Variants in DAB1 observed in about 807,000 individuals in gnomAD.
DAB1 encodes DAB adaptor protein 1.
Under a neutral mutation model 64.6 loss-of-function variants are expected in DAB1, and 15 were observed. That is an observed-to-expected ratio of 0.23 (90% CI 0.16 to 0.36). DAB1 has a LOEUF of 0.36. Ranked by LOEUF, DAB1 falls within the 10% of genes least tolerant of loss-of-function variation. DAB1 has a pLI of 1.00. For missense variants in DAB1, 596 were observed against 706.7 expected, an observed-to-expected ratio of 0.84 and a Z score of 1.78; for synonymous variants, 235 against 251.9, an observed-to-expected ratio of 0.93 and a Z score of 0.64.
upstream of DAB1, among the ~76,000 whole-genome samples, chr1:57,889,039 A>T (rs1051512181): frequency 2.6e-5 from 4 of 152,184 alleles, no homozygotes; most frequent in Admixed American, 1.3e-4. Context: ...AACGTCTGTC[A>T]TGGAATCCTG....
chr1:57,659,079 C>G (rs1257534222), intron 6 of DAB1, among the ~76,000 whole-genome samples: 1 of 152,056 alleles, frequency 6.6e-6, no homozygotes, highest in African/African-American at 2.4e-5. Flanking sequence ...ATTCTTTTGC[C>G]CCATGACCTG....
At chr1:58,333,445 G>C (rs1264884982) in intron 4 of DAB1, among the ~76,000 whole-genome samples, 1 of 152,248 alleles carries the variant, frequency 6.6e-6, no homozygotes, top group African/African-American at 2.4e-5. Context: ...AATCTTGATA[G>C]AGGATGTTAA....
intron 5 of DAB1, among the ~76,000 whole-genome samples, chr1:57,926,036 T>C (rs1193942149): frequency 6.6e-6 from 1 of 152,192 alleles, no homozygotes; most frequent in South Asian, 2.1e-4. Flanking sequence ...AAAAATACAT[T>C]ACACGATGTG....
At position 57,726,950 on chromosome 1, in the gene DAB1, A is replaced by G. The variant is rs77482594; in HGVS notation, n.552-77285T>C. 9.9e-3 allele frequency among the ~76,000 whole-genome samples: 1,511 copies of G among 152,280 alleles called. 26 individuals are homozygous for G. Among genetic ancestry groups the G allele is most frequent in the African/African-American group, 0.034 (1,406 of 41,554 alleles). On this transcript the variant is annotated intron_variant and non_coding_transcript_variant, in intron 6 of 20. Coordinates refer to the DAB1 transcript ENST00000485760. ...CGCATAAGCTAAAAATGGATAGTGG[A>G]TCTTATCCAAAGGAGTGCTCTGTAG...
intron 1 of DAB1, among the ~76,000 whole-genome samples, chr1:57,335,985 C>T (rs1677047468): frequency 6.6e-6 from 1 of 152,120 alleles, no homozygotes; most frequent in African/African-American, 2.4e-5. Flanking sequence ...AGTAGAAAAA[C>T]CAAAAAAGCA....
chr1:58,072,828 T>C (rs900296119), intron 5 of DAB1, among the ~76,000 whole-genome samples: 1 of 152,220 alleles, frequency 6.6e-6, no homozygotes, highest in African/African-American at 2.4e-5. Context: ...CAAGGCTGTA[T>C]TATATGCAAC....
At chr1:57,725,013 T>C (rs1488079951) in intron 6 of DAB1, among the ~76,000 whole-genome samples, 2 of 152,160 alleles carry the variant, frequency 1.3e-5, no homozygotes, top group African/African-American at 4.8e-5. Context: ...TAGAAAGTGC[T>C]AGGTGCAGTC....
chr1:57,982,497 T>C (rs558367518), intron 5 of DAB1, among the ~76,000 whole-genome samples: 1 of 152,178 alleles, frequency 6.6e-6, no homozygotes, highest in Non-Finnish European at 1.5e-5. Context: ...TAAACTGCAA[T>C]GCCAAGCTGG....
At chr1:57,305,553 G>A (rs1674065255) in intron 1 of DAB1, among the ~76,000 whole-genome samples, 1 of 152,106 alleles carries the variant, frequency 6.6e-6, no homozygotes, top group African/African-American at 2.4e-5. Context: ...AAAGGCCCAG[G>A]TGAAGCCCTC....
chr1:57,255,747 C>A (rs1669714058), intron 2 of DAB1, among the ~76,000 whole-genome samples: 1 of 152,114 alleles, frequency 6.6e-6, no homozygotes, highest in Admixed American at 6.5e-5. Context: ...GAATATTATC[C>A]CAGCATACTC....
rs115914270 is a variant in DAB1, at chr1:57,260,782, C to T, written c.67+30182G>A. On this transcript the variant is annotated intron_variant, in intron 2 of 14. Coordinates refer to ENST00000371236, the MANE Select transcript of DAB1 (RefSeq NM_001365792.1). ...AGTGATTTCTCCATATACCTTCCCC[C>T]ATCACTGCATGCAAGCAGGGCCTGG... Among the ~76,000 whole-genome samples the T allele has an allele frequency of 2.9e-3, 442 of 152,282 alleles. 1 individual carries two copies. The highest frequency in any genetic ancestry group is 9.8e-3 in the African/African-American group (409 of 41,566).
intron 4 of DAB1, among the ~76,000 whole-genome samples, chr1:57,082,243 T>C (rs1336351520): frequency 6.6e-6 from 1 of 152,208 alleles, no homozygotes; most frequent in African/African-American, 2.4e-5. Flanking sequence ...TGTTCCTTTC[T>C]CTACCTCCAC....
chr1:57,940,519 T>A (rs1292018743), intron 5 of DAB1, among the ~76,000 whole-genome samples: 3 of 152,156 alleles, frequency 2.0e-5, no homozygotes, highest in Non-Finnish European at 4.4e-5. Flanking sequence ...ACCTTTTAAG[T>A]CTTCTAGCCC....
At chr1:58,473,167 A>G (rs1557431205) in intron 3 of DAB1, among the ~76,000 whole-genome samples, 1 of 152,178 alleles carries the variant, frequency 6.6e-6, no homozygotes, top group Non-Finnish European at 1.5e-5. Flanking sequence ...GAGACCCAAG[A>G]GCTTGCAAGG....
At chr1:57,622,634 C>A (rs1052245977) in intron 7 of DAB1, among the ~76,000 whole-genome samples, 3 of 152,120 alleles carry the variant, frequency 2.0e-5, no homozygotes, top group South Asian at 2.1e-4. Context: ...AGTAACTTGA[C>A]CAAGATCACA....
intron 2 of DAB1, among the ~76,000 whole-genome samples, chr1:57,269,696 C>T (rs919109266): frequency 2.6e-5 from 4 of 152,162 alleles, no homozygotes; most frequent in Admixed American, 6.5e-5. Context: ...TTACTTCACC[C>T]CAACTTGCTT....
intron 7 of DAB1, among the ~76,000 whole-genome samples, chr1:57,535,129 C>G (rs1644710503): frequency 1.3e-5 from 2 of 152,126 alleles, no homozygotes; most frequent in Admixed American, 6.5e-5. Flanking sequence ...CTCATAATTT[C>G]TGCCACTGCA....
At chr1:57,706,485 T>A (rs1646968169) in intron 6 of DAB1, among the ~76,000 whole-genome samples, 1 of 151,974 alleles carries the variant, frequency 6.6e-6, no homozygotes, top group Non-Finnish European at 1.5e-5. Context: ...ACTCAGCTAA[T>A]TTTTGTATTT....
At chr1:58,494,713 A>T (rs1457141509) in intron 3 of DAB1, among the ~76,000 whole-genome samples, 15 of 152,140 alleles carry the variant, frequency 9.9e-5, no homozygotes, top group Admixed American at 8.5e-4. Flanking sequence ...TCAAAACCAC[A>T]ATGAGATACC....
Sources: allele counts gnomAD v4.1 joint callset (sites outside exome capture counted in the v4.1 genomes callset), GRCh38; gene constraint gnomAD v4.1.1; transcripts MANE v1.5; gene names NCBI Gene and HGNC (gene_info 2026-07-23, HGNC 2026-07-21).